The following CNTN4 variants were observed in gnomAD, a reference collection of about 807,000 sequenced individuals.
CNTN4 encodes contactin-4.
Under a neutral mutation model 122.5 loss-of-function variants are expected in CNTN4, and 77 were observed. The observed-to-expected ratio is 0.63, with a 90% CI of 0.52 to 0.76. The LOEUF (loss-of-function observed/expected upper bound fraction) is 0.76, where lower values mean the gene tolerates loss of function less well. Among genes scored for constraint, CNTN4 ranks in the 30% least tolerant of loss-of-function variants. CNTN4 has a pLI of 0.00. For missense variants in CNTN4, 1,256 were observed against 1,259.1 expected, an observed-to-expected ratio of 1.00 and a Z score of 0.04; for synonymous variants, 512 against 447.0, an observed-to-expected ratio of 1.15 and a Z score of -1.83.
At chr3:2,291,908 G>C (rs2042149756) in intron 2 of CNTN4, among the ~76,000 whole-genome samples, 1 of 151,810 alleles carries the variant, frequency 6.6e-6, no homozygotes, top group South Asian at 2.1e-4. Flanking sequence ...TAATTTTTTT[G>C]TGTTATTAGT....
intron 4 of CNTN4, among the ~76,000 whole-genome samples, chr3:2,600,540 C>T (rs2080994084): frequency 6.6e-6 from 1 of 152,114 alleles, no homozygotes; most frequent in Non-Finnish European, 1.5e-5. Flanking sequence ...TCATCATTTT[C>T]TATGGCTGCA....
chr3:2,469,389 T>C (rs994465093), intron 3 of CNTN4, among the ~76,000 whole-genome samples: 2 of 152,232 alleles, frequency 1.3e-5, no homozygotes, highest in African/African-American at 4.8e-5. Context: ...TAGCAGGTGC[T>C]CATTCTGTCC....
At chr3:2,516,324 C>A (rs1248910640) in intron 3 of CNTN4, among the ~76,000 whole-genome samples, 1 of 151,980 alleles carries the variant, frequency 6.6e-6, no homozygotes, top group African/African-American at 2.4e-5. Context: ...GTGCATCCAT[C>A]TATGACCAAA....
At chr3:2,126,731 A>G (rs1318928264) in intron 2 of CNTN4, among the ~76,000 whole-genome samples, 1 of 152,198 alleles carries the variant, frequency 6.6e-6, no homozygotes, top group Non-Finnish European at 1.5e-5. Context: ...AAACTCATCA[A>G]GTAATATTTT....
chr3:2,352,712 GC>G (rs1437884448), intron 3 of CNTN4, among the ~76,000 whole-genome samples: 4 of 152,308 alleles, frequency 2.6e-5, no homozygotes, highest in East Asian at 3.9e-4. Context: ...TCCGACAGGT[GC>G]CACCCCCTGC....
At chr3:3,010,465 TAAAAA>T (rs5846237) in intron 14 of CNTN4, among the ~76,000 whole-genome samples, 50,014 of 147,152 alleles carry the variant, frequency 0.34, 8,836 homozygotes, top group Non-Finnish European at 0.38. Context: ...CTTATGCCAT[TAAAAA>T]AAAAAAAAAA....
intron 3 of CNTN4, among the ~76,000 whole-genome samples, chr3:2,346,071 A>G (rs975722166): frequency 1.6e-4 from 24 of 151,882 alleles, no homozygotes; most frequent in Admixed American, 1.3e-4. Flanking sequence ...ATTTTTTTGC[A>G]CTTATTTTGA....
intron 18 of CNTN4, among the ~76,000 whole-genome samples, chr3:3,037,982 CTT>C (rs2125731865): frequency 6.6e-6 from 1 of 152,228 alleles, no homozygotes; most frequent in African/African-American, 2.4e-5. Flanking sequence ...CATGTGCCGT[CTT>C]TTATAGAGTT....
Position 2,774,399 on chromosome 3 carries a change from G to A in CNTN4, c.358+28702G>A, listed in dbSNP as rs151094586. Among the ~76,000 whole-genome samples the A allele has an allele frequency of 4.0e-5, 6 of 151,760 alleles. No homozygotes were observed. In the East Asian group the frequency reaches 5.8e-4, roughly 15 times the overall value. On this transcript the variant is annotated intron_variant, in intron 6 of 24. Coordinates refer to ENST00000418658, the MANE Select transcript of CNTN4 (RefSeq NM_175607.3). ...CGCCATTGTTCCTTCTCTCTTCCAC[G>A]TCACTTTTATGTTATGGTATCTCAC...
At chr3:2,895,827 G>A (rs1031910867) in intron 10 of CNTN4, among the ~76,000 whole-genome samples, 5 of 152,174 alleles carry the variant, frequency 3.3e-5, no homozygotes, top group South Asian at 2.1e-4. Context: ...AAGGTCAGGA[G>A]ATCGAGACCA....
At chr3:2,515,349 T>C (rs1352871410) in intron 3 of CNTN4, among the ~76,000 whole-genome samples, 1 of 152,130 alleles carries the variant, frequency 6.6e-6, no homozygotes, top group Non-Finnish European at 1.5e-5. Context: ...GCTAACAATA[T>C]TTACTTTAAA....
chr3:2,605,909 G>A (rs1045755149), intron 4 of CNTN4, among the ~76,000 whole-genome samples: 1 of 152,182 alleles, frequency 6.6e-6, no homozygotes, highest in Non-Finnish European at 1.5e-5. Flanking sequence ...AGTAGTTAGT[G>A]CTAGAAAGAA....
chr3:2,447,713 T>C (rs1362359646), intron 3 of CNTN4, among the ~76,000 whole-genome samples: 1 of 152,176 alleles, frequency 6.6e-6, no homozygotes, highest in African/African-American at 2.4e-5. Context: ...TATATGTTCA[T>C]ATACTCAGTA....
rs148870257 is a variant in CNTN4, at chr3:2,512,953, G to A, written c.-88-58463G>A. On this transcript the variant is annotated intron_variant, in intron 3 of 24. Coordinates refer to ENST00000418658, the MANE Select transcript of CNTN4 (RefSeq NM_175607.3). ...GTGGAGAGGAACTGTGCAAGAGAGA[G>A]AAGACTCAAAATAGATGGTTGTCTA... Among the ~76,000 whole-genome samples the A allele has an allele frequency of 2.6e-3, 400 of 152,274 alleles. 5 individuals are homozygous for A. The highest frequency in any genetic ancestry group is 9.1e-3 in the African/African-American group (377 of 41,556).
At chr3:2,715,922 C>G (rs1345972813) in intron 4 of CNTN4, among the ~76,000 whole-genome samples, 2 of 152,158 alleles carry the variant, frequency 1.3e-5, no homozygotes, top group East Asian at 1.9e-4. Flanking sequence ...CAGTTAAGTT[C>G]ACAGCAGTTC....
chr3:2,367,741 TCCCA>T (rs2045452353), intron 3 of CNTN4, among the ~76,000 whole-genome samples: 1 of 152,186 alleles, frequency 6.6e-6, no homozygotes, highest in Non-Finnish European at 1.5e-5. Flanking sequence ...TGCCTGGGCC[TCCCA>T]AAGTGCTGGG....
chr3:2,476,134 G>A (rs938548045), intron 3 of CNTN4, among the ~76,000 whole-genome samples: 1 of 152,132 alleles, frequency 6.6e-6, no homozygotes, highest in Non-Finnish European at 1.5e-5. Flanking sequence ...CTTTAGGGTG[G>A]GACTGCTGGC....
chr3:2,475,870 C>G (rs1413336786), intron 3 of CNTN4, among the ~76,000 whole-genome samples: 1 of 152,170 alleles, frequency 6.6e-6, no homozygotes, highest in Non-Finnish European at 1.5e-5. Context: ...CTCATATGCT[C>G]TACACAGTGG....
intron 9 of CNTN4, among the ~76,000 whole-genome samples, chr3:2,884,815 A>G (rs2093951921): frequency 6.6e-6 from 1 of 152,202 alleles, no homozygotes; most frequent in Non-Finnish European, 1.5e-5. Context: ...CACTGTTTGA[A>G]TAGTGCTGGA....
Sources: gnomAD v4.1 joint callset for allele counts (sites outside exome capture counted in the v4.1 genomes callset) on GRCh38, gnomAD v4.1.1 for gene constraint, MANE v1.5 for transcripts, NCBI Gene and HGNC (gene_info 2026-07-23, HGNC 2026-07-21) for gene names.